PCDHA10: variants seen among roughly 807,000 people sequenced by gnomAD.
PCDHA10 encodes protocadherin alpha-10.
PCDHA10 carries 45 observed loss-of-function variants against 61.2 expected under a neutral mutation model. That is an observed-to-expected ratio of 0.74 (90% CI 0.58 to 0.94). The LOEUF (loss-of-function observed/expected upper bound fraction) is 0.94. Ranked by LOEUF, PCDHA10 falls within the 40% of genes least tolerant of loss-of-function variation. PCDHA10 has a pLI of 0.00. For missense variants in PCDHA10, 1,278 were observed against 1,236.2 expected (o/e 1.03, Z -0.51); for synonymous variants, 602 against 548.8 (o/e 1.10, Z -1.35).
intron 1 of PCDHA10, among the ~76,000 whole-genome samples, chr5:140,904,556 T>A (rs1360933277): frequency 5.3e-5 from 8 of 151,780 alleles, no homozygotes; most frequent in Admixed American, 5.3e-4. Context: ...ATATAATGAC[T>A]TTTTTTTCCT....
chr5:140,978,680 T>C (rs2096816388), intron 1 of PCDHA10, among the ~76,000 whole-genome samples: 1 of 152,240 alleles, frequency 6.6e-6, no homozygotes, highest in Non-Finnish European at 1.5e-5. Context: ...CAGACATGTA[T>C]TGGGCAAGGC....
rs565763627 is a variant in PCDHA10, at chr5:140,989,336, C to G, written c.2536+6773C>G. ...GTCTCACCAACTTTGCCACCTGACT[C>G]AGCTCAAAGGTGATAGGTCACCTGT... is the stretch of plus-strand genomic sequence containing the variant. On this transcript the variant is annotated intron_variant, in intron 3 of 3. Transcript: ENST00000307360. Among the ~76,000 whole-genome samples, 6 of 152,272 alleles carry G rather than the reference C, an allele frequency of 3.9e-5. 1 individual carries two copies. In the South Asian group the frequency reaches 1.0e-3, roughly 26 times the overall value.
At chr5:140,877,654 A>T in intron 1 of PCDHA10, 1 of 1,613,490 alleles carries the variant, frequency 6.2e-7, no homozygotes, top group South Asian at 1.1e-5. Flanking sequence ...AGCGCCGCCC[A>T]CCGTGAGCCG....
chr5:140,944,133 G>C (rs1051812384), intron 1 of PCDHA10, among the ~76,000 whole-genome samples: 2 of 152,134 alleles, frequency 1.3e-5, no homozygotes, highest in Non-Finnish European at 2.9e-5. Context: ...AGAAAAGGTT[G>C]AAGATTAGAA....
intron 1 of PCDHA10, among the ~76,000 whole-genome samples, chr5:140,935,722 G>A (rs1230672751): frequency 6.6e-6 from 1 of 152,006 alleles, no homozygotes; most frequent in Non-Finnish European, 1.5e-5. Context: ...TATATTTAGA[G>A]AAGTCTAGTA....
At position 140,858,707 on chromosome 5, in the gene PCDHA10, A is replaced by G. The variant is rs1234055961; in HGVS notation, c.2388+271A>G. On this transcript the variant is annotated intron_variant, in intron 1 of 3. Transcript: ENST00000307360. The stretch of plus-strand genomic sequence containing the variant: ...TAATATTTTCCAATACAAATATGTG[A>G]TATAGGTTGCAGTTCTGACGATTTA... 2 of 547,800 alleles carry G rather than the reference A, an allele frequency of 3.7e-6. 1 individual carries two copies. Among genetic ancestry groups the G allele is most frequent in the Non-Finnish European group, 6.3e-6 (2 of 316,316 alleles). The allele number at this position is 547,800 out of a possible 1,614,324, so 33.9% of individuals were successfully genotyped here.
At chr5:140,877,559 T>C in intron 1 of PCDHA10, 1 of 1,613,754 alleles carries the variant, frequency 6.2e-7, no homozygotes, top group South Asian at 1.1e-5. Context: ...CTGGTGGATA[T>C]TAACGTGTAC....
intron 1 of PCDHA10, among the ~76,000 whole-genome samples, chr5:140,888,737 A>G (rs1468383652): frequency 6.6e-6 from 1 of 152,036 alleles, no homozygotes; most frequent in Non-Finnish European, 1.5e-5. Flanking sequence ...TGTGAGCTCT[A>G]GGAATTATTC....
intron 1 of PCDHA10, among the ~76,000 whole-genome samples, chr5:140,908,585 G>A (rs782742805): frequency 3.9e-5 from 6 of 152,160 alleles, no homozygotes; most frequent in South Asian, 4.1e-4. Flanking sequence ...AGAGTAGTTA[G>A]CTGCAGAAGA....
At chr5:140,873,221 G>A (rs2054166323) in intron 1 of PCDHA10, among the ~76,000 whole-genome samples, 1 of 151,940 alleles carries the variant, frequency 6.6e-6, no homozygotes, top group African/African-American at 2.4e-5. Context: ...TTAAAGAGAA[G>A]GCAACAATAT....
chr5:140,928,084 C>T (rs782346696), intron 1 of PCDHA10: 2 of 1,614,232 alleles, frequency 1.2e-6, no homozygotes, highest in Non-Finnish European at 1.7e-6. Context: ...CTACAGCCTG[C>T]TGATTGATGG....
intron 1 of PCDHA10, among the ~76,000 whole-genome samples, chr5:140,944,025 A>C (rs981840753): frequency 6.6e-6 from 1 of 152,236 alleles, no homozygotes; most frequent in Admixed American, 6.5e-5. Flanking sequence ...AATTATCTTC[A>C]AAATATGGAA....
At chr5:140,910,037 C>G (rs1290917830) in intron 1 of PCDHA10, among the ~76,000 whole-genome samples, 1 of 152,198 alleles carries the variant, frequency 6.6e-6, no homozygotes, top group Non-Finnish European at 1.5e-5. Context: ...ATAAATCCCA[C>G]TTGGTCATAA....
intron 1 of PCDHA10, chr5:140,870,840 A>G (rs1554164745): frequency 1.9e-6 from 3 of 1,613,712 alleles, no homozygotes; most frequent in Admixed American, 3.3e-5. Context: ...TTAACAAGCT[A>G]GTACCGCGGT....
chr5:140,871,071 G>C (rs1554165077), intron 1 of PCDHA10: 2 of 1,613,188 alleles, frequency 1.2e-6, no homozygotes, highest in East Asian at 2.2e-5. Context: ...ACGGTGAGCC[G>C]GCGCTGACGG....
intron 1 of PCDHA10, among the ~76,000 whole-genome samples, chr5:140,874,267 A>G (rs929129030): frequency 6.6e-6 from 1 of 152,232 alleles, no homozygotes; most frequent in Non-Finnish European, 1.5e-5. Flanking sequence ...TGACTTGAGT[A>G]TTAATAGACT....
chr5:140,943,094 TA>T lies in PCDHA10; in HGVS notation c.2389-35849del, dbSNP rs546939375. Among the ~76,000 whole-genome samples, 19 of 151,404 alleles carry T rather than the reference TA, an allele frequency of 1.3e-4. No individual in the cohort carries two copies. In the East Asian group the frequency reaches 3.7e-3, roughly 29 times the overall value. On this transcript the variant is annotated intron_variant, in intron 1 of 3. Coordinates refer to ENST00000307360, the MANE Select transcript of PCDHA10 (RefSeq NM_018901.4). ...CAACATGGTGAAATCCTGCCTCTAC[TA>T]AAAAATACAAAAATTAGCCAGGTGT... is the stretch of plus-strand genomic sequence containing the variant.
intron 1 of PCDHA10, chr5:140,927,616 G>T (rs1228559116): frequency 6.2e-7 from 1 of 1,614,164 alleles, no homozygotes; most frequent in South Asian, 1.1e-5. Flanking sequence ...CCGCACCAAG[G>T]TTCCAGAGAC....
At chr5:140,896,661 G>A (rs553525837) in intron 1 of PCDHA10, among the ~76,000 whole-genome samples, 1 of 152,220 alleles carries the variant, frequency 6.6e-6, no homozygotes. Context: ...ACAGGCATGA[G>A]TCACTGTGCC....
Sources: allele counts gnomAD v4.1 joint callset (sites outside exome capture counted in the v4.1 genomes callset), GRCh38; gene constraint gnomAD v4.1.1; transcripts MANE v1.5; gene names NCBI Gene and HGNC (gene_info 2026-07-23, HGNC 2026-07-21).